Variants in PDE4D observed in about 807,000 individuals in gnomAD.
PDE4D encodes phosphodiesterase 4D.
Under a neutral mutation model 87.4 loss-of-function variants are expected in PDE4D, and 24 were observed. The ratio of observed to expected loss-of-function variants is 0.27; its 90% CI spans 0.20 to 0.39. PDE4D has a LOEUF of 0.39. PDE4D is among the 10% of genes least tolerant of loss of function. PDE4D has a pLI of 1.00. For missense variants in PDE4D, 714 were observed against 1,041.0 expected, an observed-to-expected ratio of 0.69 and a Z score of 4.32; for synonymous variants, 384 against 383.2, an observed-to-expected ratio of 1.00 and a Z score of -0.02.
intron 5 of PDE4D, among the ~76,000 whole-genome samples, chr5:59,067,038 A>T (rs1338065468): frequency 7.1e-6 from 1 of 141,644 alleles, no homozygotes; most frequent in Non-Finnish European, 1.6e-5. Context: ...ATTTAGAGAG[A>T]GAGTTTTGCT....
At chr5:59,120,648 T>C (rs959015256) in intron 5 of PDE4D, among the ~76,000 whole-genome samples, 1 of 150,956 alleles carries the variant, frequency 6.6e-6, no homozygotes, top group Non-Finnish European at 1.5e-5. Context: ...TCAAAACCAA[T>C]GTCATTTTTC....
At chr5:59,256,536 A>G (rs1482726882) in intron 1 of PDE4D, among the ~76,000 whole-genome samples, 1 of 152,110 alleles carries the variant, frequency 6.6e-6, no homozygotes, top group Non-Finnish European at 1.5e-5. Flanking sequence ...AATTTGAAAA[A>G]GGCAAAACTG....
At chr5:60,277,751 A>G (rs1751516889) in intron 1 of PDE4D, among the ~76,000 whole-genome samples, 1 of 152,134 alleles carries the variant, frequency 6.6e-6, no homozygotes, top group Non-Finnish European at 1.5e-5. Context: ...CAACTTTTTT[A>G]GTAGCTGCTC....
intron 6 of PDE4D, among the ~76,000 whole-genome samples, chr5:59,004,656 A>C (rs1375168503): frequency 6.6e-6 from 1 of 152,258 alleles, no homozygotes; most frequent in African/African-American, 2.4e-5. Context: ...CTTATACGTA[A>C]AAAGTAGTTG....
intron 1 of PDE4D, among the ~76,000 whole-genome samples, chr5:59,546,635 C>G (rs1462420819): frequency 6.6e-6 from 1 of 152,036 alleles, no homozygotes; most frequent in African/African-American, 2.4e-5. Flanking sequence ...CCTTCCTTTC[C>G]CCTATCTCAC....
chr5:60,337,978 ATGT>A (rs755415141), intron 1 of PDE4D, among the ~76,000 whole-genome samples: 4 of 152,356 alleles, frequency 2.6e-5, no homozygotes, highest in East Asian at 1.9e-4. Context: ...CAATTATAAG[ATGT>A]TGTACTGTAC....
At chr5:59,574,578 G>C (rs186104986) in intron 1 of PDE4D, among the ~76,000 whole-genome samples, 10 of 152,210 alleles carry the variant, frequency 6.6e-5, no homozygotes, top group Admixed American at 6.5e-4. Context: ...TTTAAAGCAT[G>C]GGATCTTTCC....
rs528375382 is a variant in PDE4D, at chr5:59,488,376, T to C, written c.456-272408A>G. On this transcript the variant is annotated intron_variant, in intron 1 of 14. Transcript: ENST00000340635. Reference sequence around the variant, plus strand: ...GAAAGAAATAGAGGAGAGATGTGCATCTTGTAAGATTTGGAATACAGCTAT... The same window carrying C: ...GAAAGAAATAGAGGAGAGATGTGCACCTTGTAAGATTTGGAATACAGCTAT... Among the ~76,000 whole-genome samples, 36 of 152,290 alleles carry C rather than the reference T, an allele frequency of 2.4e-4. No individual in the cohort carries two copies. The South Asian group carries it at 2.9e-3, about 12-fold the overall frequency.
chr5:59,175,974 A>G (rs1783824954), intron 5 of PDE4D, among the ~76,000 whole-genome samples: 1 of 151,920 alleles, frequency 6.6e-6, no homozygotes, highest in Non-Finnish European at 1.5e-5. Flanking sequence ...AATTCTTGCA[A>G]CAGTCCTAAG....
intron 2 of PDE4D, among the ~76,000 whole-genome samples, chr5:60,046,944 A>C (rs1355845062): frequency 2.0e-5 from 3 of 152,204 alleles, no homozygotes; most frequent in Non-Finnish European, 4.4e-5. Flanking sequence ...AAGGAATGGT[A>C]CCAGCTCCTC....
intron 1 of PDE4D, among the ~76,000 whole-genome samples, chr5:59,830,572 A>G (rs1741033675): frequency 6.6e-6 from 1 of 152,136 alleles, no homozygotes; most frequent in Non-Finnish European, 1.5e-5. Context: ...TGTTATTGTC[A>G]TCATCATCTT....
At chr5:59,840,414 C>T (rs770238507) in intron 1 of PDE4D, among the ~76,000 whole-genome samples, 2 of 152,090 alleles carry the variant, frequency 1.3e-5, no homozygotes, top group Admixed American at 6.6e-5. Context: ...AGAGGAGGGG[C>T]CTTCCCTTCC....
chr5:59,698,345 A>C (rs988260419), intron 1 of PDE4D, among the ~76,000 whole-genome samples: 3 of 152,116 alleles, frequency 2.0e-5, no homozygotes, highest in Non-Finnish European at 4.4e-5. Flanking sequence ...CAGATCACAT[A>C]GTAATCATCT....
At chr5:60,210,453 A>C (rs1743061678) in intron 1 of PDE4D, among the ~76,000 whole-genome samples, 1 of 152,176 alleles carries the variant, frequency 6.6e-6, no homozygotes, top group African/African-American at 2.4e-5. Context: ...AAAGTAATCA[A>C]TACATAGATG....
chr5:59,025,078 G>A (rs1755954511), intron 6 of PDE4D, among the ~76,000 whole-genome samples: 1 of 151,824 alleles, frequency 6.6e-6, no homozygotes. Context: ...ATTTTTAACA[G>A]GATTATAGCT....
chr5:59,327,518 T>C (rs545133867), intron 1 of PDE4D, among the ~76,000 whole-genome samples: 1 of 152,140 alleles, frequency 6.6e-6, no homozygotes, highest in Admixed American at 6.5e-5. Context: ...AGTGTTCAGA[T>C]TAGGCAGGCC....
chr5:59,550,812 T>G (rs1817993529), intron 1 of PDE4D, among the ~76,000 whole-genome samples: 1 of 151,938 alleles, frequency 6.6e-6, no homozygotes. Context: ...TTCTCCTATC[T>G]CAGCCTCCTA....
intron 1 of PDE4D, among the ~76,000 whole-genome samples, chr5:59,441,880 G>A (rs1390678210): frequency 6.6e-6 from 1 of 152,052 alleles, no homozygotes; most frequent in Non-Finnish European, 1.5e-5. Context: ...TTGGATGAAC[G>A]GTCTTCCATC....
At chr5:59,232,450 G>GGAA (rs1755429326) in intron 1 of PDE4D, among the ~76,000 whole-genome samples, 1 of 150,082 alleles carries the variant, frequency 6.7e-6, no homozygotes, top group Admixed American at 6.6e-5. Flanking sequence ...TAATCATCAG[G>GGAA]GAACTATAAA....
Sources: allele counts gnomAD v4.1 joint callset (sites outside exome capture counted in the v4.1 genomes callset), GRCh38; gene constraint gnomAD v4.1.1; transcripts MANE v1.5; gene names NCBI Gene and HGNC (gene_info 2026-07-23, HGNC 2026-07-21).